Variants in FLYWCH1 observed in about 807,000 individuals in gnomAD.
The protein encoded by FLYWCH1 is FLYWCH-type zinc finger-containing protein 1.
FLYWCH1 carries 75 observed loss-of-function variants against 66.4 expected under a neutral mutation model. The observed-to-expected ratio is 1.13, with a 90% CI of 0.94 to 1.37. FLYWCH1 has a LOEUF of 1.37. Ranked by LOEUF, FLYWCH1 falls within the 40% of genes most tolerant of loss-of-function variation. The pLI is 0.00. For synonymous variants in FLYWCH1, 595 were observed against 429.9 expected (o/e 1.38, Z -4.75); for missense variants, 1,334 against 1,001.8 (o/e 1.33, Z -4.48).
At chr16:2,939,432 G>A (rs2071165622) in intron 8 of FLYWCH1, among the ~76,000 whole-genome samples, 1 of 145,292 alleles carries the variant, frequency 6.9e-6, no homozygotes, top group Non-Finnish European at 1.6e-5. Context: ...CTCCAGCCTG[G>A]GCAACAAGAG....
At chr16:2,927,174 C>T (rs1345624533) in intron 2 of FLYWCH1, among the ~76,000 whole-genome samples, 1 of 152,190 alleles carries the variant, frequency 6.6e-6, no homozygotes, top group East Asian at 1.9e-4. Context: ...GTCAGCACCA[C>T]AGGGCGCGGC....
At chr16:2,945,544 T>C (rs1411880451) in intron 9 of FLYWCH1, among the ~76,000 whole-genome samples, 1 of 142,320 alleles carries the variant, frequency 7.0e-6, no homozygotes, top group East Asian at 2.1e-4. Context: ...TAATCCCAGC[T>C]ACTTGGGAAG....
Position 2,930,690 on chromosome 16 carries a change from C to G in FLYWCH1, c.606C>G (p.Pro202=), listed in dbSNP as rs755137720. 1.3e-6 allele frequency: 2 copies of G among 1,544,294 alleles called. No individual in the cohort carries two copies. The highest frequency in any genetic ancestry group is 1.4e-5 in the African/African-American group (1 of 73,086). The change falls in exon 4 of 10, where the codon CCC becomes CCG. Residue 202 remains proline, a synonymous_variant. Transcript: ENST00000253928. Reference sequence around the variant, plus strand: ...CCCTGCCAGAGGGCTTGGGAGAGCCCCAGGGTCCTGAGGGCCCTGGAGGCC... The same window carrying G: ...CCCTGCCAGAGGGCTTGGGAGAGCCGCAGGGTCCTGAGGGCCCTGGAGGCC... The part of the protein sequence containing the change: ...SLALPEGLGE[P]QGPEGPGGRV...
rs1055610080 is a variant in FLYWCH1, at chr16:2,930,838, C to T, written c.754C>T (p.Leu252=). 14 of 1,602,436 alleles carry T rather than the reference C, an allele frequency of 8.7e-6. 1 individual carries two copies. The Admixed American group carries it at 1.5e-4, about 17-fold the overall frequency. The change falls in exon 4 of 10, where the codon CTG becomes TTG. Residue 252 remains leucine, a synonymous_variant. Coordinates refer to ENST00000253928, the MANE Select transcript of FLYWCH1 (RefSeq NM_001308068.2). ...EEEEAPRALS[L]LSLPPKKRSI... ...GGAGGAGGCACCCCGAGCCCTGTCA[C>T]TGCTGAGCCTGCCGCCCAAGAAGCG...
At chr16:2,936,668 C>CA (rs773932399) in intron 6 of FLYWCH1, 22 of 460,558 alleles carry the variant, frequency 4.8e-5, no homozygotes, top group Non-Finnish European at 9.6e-5. Flanking sequence ...CTGCCTCTTC[C>CA]TCAGAGTCCT....
At chr16:2,942,953 C>T (rs552299979) in intron 9 of FLYWCH1, among the ~76,000 whole-genome samples, 48 of 151,768 alleles carry the variant, frequency 3.2e-4, no homozygotes, top group African/African-American at 9.9e-4. Flanking sequence ...CCACCCGCCT[C>T]GGACTCCTAA....
chr16:2,938,603 CTTTGTTTTT>C, intron 8 of FLYWCH1, 147 bp downstream of exon 8: 1 of 376,180 alleles, frequency 2.7e-6, no homozygotes, highest in African/African-American at 2.8e-5. Context: ...TGAAACCAGT[CTTTGTTTTT>C]TTTTTTTTTT....
intron 6 of FLYWCH1, 91 bp from the exon 7 acceptor site, chr16:2,937,030 T>C (rs2071033503): frequency 8.1e-7 from 1 of 1,239,366 alleles, no homozygotes; most frequent in Non-Finnish European, 1.0e-6. Flanking sequence ...GGAGGAGGTG[T>C]GGGCGTTGTG....
At chr16:2,932,443 T>C (rs1203201625) in intron 4 of FLYWCH1, among the ~76,000 whole-genome samples, 5 of 152,068 alleles carry the variant, frequency 3.3e-5, no homozygotes, top group African/African-American at 1.2e-4. Flanking sequence ...CCTGGATTGT[T>C]GTGTAAATTG....
intron 2 of FLYWCH1, among the ~76,000 whole-genome samples, chr16:2,926,274 G>T (rs1002479527): frequency 6.6e-6 from 1 of 152,194 alleles, no homozygotes; most frequent in Non-Finnish European, 1.5e-5. Flanking sequence ...AATTGGCAAA[G>T]AATTAAAACA....
intron 3 of FLYWCH1, 27 bp downstream of exon 3, chr16:2,930,037 CA>C: frequency 6.3e-7 from 1 of 1,580,716 alleles, no homozygotes; most frequent in African/African-American, 1.3e-5. Context: ...CGCCCCTGCC[CA>C]GCCACCCCGT....
At chr16:2,941,353 T>G (rs1029442) in intron 9 of FLYWCH1, among the ~76,000 whole-genome samples, 41,748 of 152,044 alleles carry the variant, frequency 0.27, 6,784 homozygotes, top group African/African-American at 0.43. Context: ...ATAAAACTTA[T>G]GGGATGCACT....
intron 6 of FLYWCH1, chr16:2,935,720 C>A: frequency 6.6e-6 from 1 of 152,118 alleles, no homozygotes. Flanking sequence ...CTCTGTGTGC[C>A]GTCAGCTTTG....
chr16:2,939,267 G>C (rs1041293546), intron 8 of FLYWCH1, among the ~76,000 whole-genome samples: 1 of 152,110 alleles, frequency 6.6e-6, no homozygotes, highest in African/African-American at 2.4e-5. Flanking sequence ...TCAACATGGA[G>C]AAACCCCGTC....
chr16:2,918,600 C>T (rs1456325792), intron 2 of FLYWCH1, among the ~76,000 whole-genome samples: 1 of 151,834 alleles, frequency 6.6e-6, no homozygotes, highest in Admixed American at 6.6e-5. Flanking sequence ...ACCAACATGA[C>T]CATCTAATTT....
chr16:2,936,921 TC>T, intron 6 of FLYWCH1, 199 bp from the exon 7 acceptor site: 1 of 712,394 alleles, frequency 1.4e-6, no homozygotes, highest in Non-Finnish European at 2.3e-6. Context: ...ACCTGACCAG[TC>T]CCCAGCCTCA....
chr16:2,930,997 A>G, intron 4 of FLYWCH1, 117 bp downstream of exon 4: 1 of 805,464 alleles, frequency 1.2e-6, no homozygotes, highest in Non-Finnish European at 1.9e-6. Context: ...ACTCAAAGCT[A>G]AAATGACTTT....
chr16:2,938,548 C>T, intron 8 of FLYWCH1, 92 bp downstream of exon 8: 1 of 1,248,490 alleles, frequency 8.0e-7, no homozygotes, highest in Non-Finnish European at 1.1e-6. Context: ...ACCCACTGAG[C>T]AGACTGCTTT....
chr16:2,943,489 A>C (rs978505353), intron 9 of FLYWCH1: 1 of 151,592 alleles, frequency 6.6e-6, no homozygotes, highest in Non-Finnish European at 1.5e-5. Flanking sequence ...GGATGCCTGC[A>C]TACCAGATCA....
Sources: gnomAD v4.1 joint callset for allele counts (sites outside exome capture counted in the v4.1 genomes callset) on GRCh38, gnomAD v4.1.1 for gene constraint, MANE v1.5 for transcripts, NCBI Gene and HGNC (gene_info 2026-07-23, HGNC 2026-07-21) for gene names.